TTC39C: variants seen among roughly 807,000 people sequenced by gnomAD.
The protein encoded by TTC39C is tetratricopeptide repeat protein 39C.
A neutral mutation model predicts 76.3 loss-of-function variants in TTC39C; 33 were observed. The observed-to-expected ratio is 0.43, with a 90% confidence interval of 0.33 to 0.58. The LOEUF (loss-of-function observed/expected upper bound fraction) is 0.58. TTC39C is among the 20% of genes least tolerant of loss of function. The pLI, the probability that TTC39C is intolerant of heterozygous loss-of-function variation, is 0.04. For missense variants in TTC39C, 595 were observed against 701.4 expected, an observed-to-expected ratio of 0.85 and a Z score of 1.71; for synonymous variants, 254 against 260.6, an observed-to-expected ratio of 0.97 and a Z score of 0.24.
intron 6 of TTC39C, among the ~76,000 whole-genome samples, chr18:24,086,687 G>A (rs868118322): frequency 1.3e-5 from 2 of 152,166 alleles, no homozygotes; most frequent in Non-Finnish European, 2.9e-5. Flanking sequence ...TCCCCACTGC[G>A]TGTCTATAGT....
intron 6 of TTC39C, among the ~76,000 whole-genome samples, chr18:24,085,209 C>T (rs986074117): frequency 3.3e-5 from 5 of 152,182 alleles, no homozygotes; most frequent in Non-Finnish European, 7.4e-5. Flanking sequence ...ATCTCTTCAG[C>T]GATCCATCTA....
At chr18:24,084,028 G>T (rs2145764352) in intron 6 of TTC39C, among the ~76,000 whole-genome samples, 1 of 152,128 alleles carries the variant, frequency 6.6e-6, no homozygotes, top group East Asian at 1.9e-4. Flanking sequence ...GGAATAATTT[G>T]TTTTTTTGGG....
chr18:24,089,510 G>C (rs188951258), intron 6 of TTC39C, among the ~76,000 whole-genome samples: 1 of 152,128 alleles, frequency 6.6e-6, no homozygotes, highest in Non-Finnish European at 1.5e-5. Flanking sequence ...GGATATGAAG[G>C]ATGTATTTGT....
At chr18:24,101,411 A>T (rs1252491277) in intron 6 of TTC39C, among the ~76,000 whole-genome samples, 1 of 151,984 alleles carries the variant, frequency 6.6e-6, no homozygotes, top group Non-Finnish European at 1.5e-5. Context: ...GATCGAGACC[A>T]TCCTGGCCAA....
intron 4 of TTC39C, among the ~76,000 whole-genome samples, chr18:24,075,693 A>C (rs935102805): frequency 3.1e-4 from 47 of 151,328 alleles, no homozygotes; most frequent in South Asian, 6.3e-4. Flanking sequence ...TCAAAAAAAA[A>C]AAAAAAAAAA....
chr18:23,997,627 GAA>G (rs1160251916), intron 1 of TTC39C, among the ~76,000 whole-genome samples: 2 of 132,654 alleles, frequency 1.5e-5, no homozygotes, highest in Non-Finnish European at 3.2e-5. Flanking sequence ...GAAAAGAAAA[GAA>G]AGAGAGGGAG....
chr18:24,050,312 G>A (rs1295667065), intron 1 of TTC39C, among the ~76,000 whole-genome samples: 1 of 152,198 alleles, frequency 6.6e-6, no homozygotes, highest in Non-Finnish European at 1.5e-5. Flanking sequence ...GCTCATGCCT[G>A]TAATCCCAAC....
Position 24,132,550 on chromosome 18 carries a change from T to A in TTC39C, c.1728T>A (p.Ser576=), listed in dbSNP as rs762280517. ...TCCGCATCCATGCTGCTCTGGCCTC[T>A]CTGAGGGAATTGGTTCCTCAGTGAC... ...LHVRIHAALA[S]LRELVPQ The change falls in exon 14 of 14, where the codon TCT becomes TCA. Residue 576 remains serine, a synonymous_variant. Transcript: ENST00000317571. The A allele has an allele frequency of 6.2e-7, 1 of 1,613,832 alleles. No homozygotes were observed. The highest frequency in any genetic ancestry group is 8.5e-7 in the Non-Finnish European group (1 of 1,179,936).
rs2083432330 is a variant in TTC39C, at chr18:24,014,914, G to A, written c.43G>A (p.Gly15Arg). The change falls in exon 1 of 14, where the codon GGA becomes AGA. Residue 15 changes from glycine to arginine, a missense_variant. By Grantham distance (125) the Gly-to-Arg change is moderately radical. Transcript: ENST00000317571. ...EQQRPRRRDDGDSDAAAAAAA... is the reference protein window; with the variant it reads ...EQQRPRRRDDRDSDAAAAAAA... Reference sequence around the variant, plus strand: ...GCAGCGGCCGCGGCGGCGGGACGACGGAGACTCGGACGCGGCAGCGGCGGC... The same window carrying A: ...GCAGCGGCCGCGGCGGCGGGACGACAGAGACTCGGACGCGGCAGCGGCGGC... 1 of 1,514,798 alleles carries A rather than the reference G, an allele frequency of 6.6e-7. No homozygotes were observed. Among genetic ancestry groups the A allele is most frequent in the Non-Finnish European group, 8.8e-7 (1 of 1,131,714 alleles). 93.8% of individuals were successfully genotyped at this position (1,514,798 alleles called of 1,614,324 possible).
intron 1 of TTC39C, among the ~76,000 whole-genome samples, chr18:24,006,014 TA>T (rs1281404840): frequency 5.8e-5 from 3 of 51,488 alleles, no homozygotes; most frequent in East Asian, 5.8e-4. Context: ...TCCTACAGAA[TA>T]TTTTTTTTTT....
intron 5 of TTC39C, among the ~76,000 whole-genome samples, chr18:24,081,374 G>A (rs959362154): frequency 5.9e-5 from 9 of 152,014 alleles, no homozygotes; most frequent in African/African-American, 2.2e-4. Flanking sequence ...ATGTGACATG[G>A]ATATTTTGTG....
intron 1 of TTC39C, among the ~76,000 whole-genome samples, chr18:23,999,410 C>G (rs56210453): frequency 6.6e-6 from 1 of 152,124 alleles, no homozygotes; most frequent in South Asian, 2.1e-4. Context: ...CACCACACTT[C>G]GAAATCGTCA....
chr18:24,092,112 A>T (rs1319039935), intron 6 of TTC39C, among the ~76,000 whole-genome samples: 7,116 of 132,464 alleles, frequency 0.054, 806 homozygotes, highest in African/African-American at 0.18. Flanking sequence ...AAAAAAAAAA[A>T]AAAAAAAAAA....
At chr18:24,108,218 C>A (rs1409997573) in intron 6 of TTC39C, among the ~76,000 whole-genome samples, 1 of 152,196 alleles carries the variant, frequency 6.6e-6, no homozygotes, top group Non-Finnish European at 1.5e-5. Flanking sequence ...TTCACGCCAG[C>A]AGACAGGGCT....
intron 3 of TTC39C, among the ~76,000 whole-genome samples, chr18:24,067,294 A>C (rs1345722559): frequency 6.6e-6 from 1 of 152,186 alleles, no homozygotes; most frequent in Non-Finnish European, 1.5e-5. Context: ...TCTTGAATTC[A>C]TCAACTACTC....
chr18:23,997,316 CAAGGCAGGTGGGTCA>C (rs2083269496), intron 1 of TTC39C, among the ~76,000 whole-genome samples: 1 of 151,946 alleles, frequency 6.6e-6, no homozygotes, highest in Admixed American at 6.6e-5. Flanking sequence ...TTTGGGAGGC[CAAGGCAGGTGGGTCA>C]CCTGAGGTCA....
intron 1 of TTC39C, among the ~76,000 whole-genome samples, chr18:24,029,985 A>T (rs11082894): frequency 0.04 from 6,108 of 152,254 alleles, 304 homozygotes; most frequent in African/African-American, 0.12. Context: ...TGTCTTTTTC[A>T]TATAATGACT....
At chr18:24,014,087 C>T (rs1003126014), upstream of TTC39C, among the ~76,000 whole-genome samples, 2 of 152,252 alleles carry the variant, frequency 1.3e-5, no homozygotes, top group Non-Finnish European at 2.9e-5. Flanking sequence ...TCCCGCAGCG[C>T]GGGGCTCCGG....
chr18:24,106,673 A>G (rs1381431014), intron 6 of TTC39C, among the ~76,000 whole-genome samples: 2 of 152,114 alleles, frequency 1.3e-5, no homozygotes, highest in Non-Finnish European at 2.9e-5. Context: ...CAGCAGACTG[A>G]TGGACAGCCA....
Sources: gnomAD v4.1 joint callset for allele counts (sites outside exome capture counted in the v4.1 genomes callset) on GRCh38, gnomAD v4.1.1 for gene constraint, MANE v1.5 for transcripts, NCBI Gene and HGNC (gene_info 2026-07-23, HGNC 2026-07-21) for gene names.